SOX5: variants seen among roughly 807,000 people sequenced by gnomAD.
SOX5 encodes the protein SRY-box transcription factor 5.
A neutral mutation model predicts 92.0 loss-of-function variants in SOX5; 9 were observed. The ratio of observed to expected loss-of-function variants is 0.10; its 90% CI spans 0.06 to 0.17. The LOEUF (loss-of-function observed/expected upper bound fraction) is 0.17. SOX5 is among the 10% of genes least tolerant of loss of function. SOX5 has a pLI of 1.00. For synonymous variants in SOX5, 344 were observed against 336.3 expected (o/e 1.02, Z -0.25); for missense variants, 642 against 944.5 (o/e 0.68, Z 4.20).
At chr12:24,391,036 C>G (rs573858628) in intron 1 of SOX5, among the ~76,000 whole-genome samples, 1 of 152,190 alleles carries the variant, frequency 6.6e-6, no homozygotes, top group South Asian at 2.1e-4. Flanking sequence ...TTTACATTCC[C>G]ACCAGCAGCA....
intron 3 of SOX5, among the ~76,000 whole-genome samples, chr12:24,275,247 T>G (rs1330679546): frequency 6.6e-6 from 1 of 152,178 alleles, no homozygotes; most frequent in Non-Finnish European, 1.5e-5. Context: ...AAACTTCTCA[T>G]GAGTCCATTA....
intron 1 of SOX5, among the ~76,000 whole-genome samples, chr12:24,562,142 T>A (rs1235678907): frequency 2.0e-5 from 3 of 151,736 alleles, no homozygotes; most frequent in African/African-American, 7.3e-5. Context: ...CCCAGCCCAG[T>A]CCCCCTCCCT....
chr12:24,437,067 G>C (rs1336545960), intron 1 of SOX5, among the ~76,000 whole-genome samples: 1 of 152,146 alleles, frequency 6.6e-6, no homozygotes, highest in East Asian at 1.9e-4. Flanking sequence ...CAATGCACTT[G>C]GTCACCCAAG....
At chr12:24,437,250 G>C (rs978738290) in intron 1 of SOX5, among the ~76,000 whole-genome samples, 5 of 151,676 alleles carry the variant, frequency 3.3e-5, no homozygotes, top group African/African-American at 9.7e-5. Context: ...AATGGTGTTG[G>C]GAAAACTGGC....
At chr12:23,608,643 C>G (rs971610159) in intron 8 of SOX5, among the ~76,000 whole-genome samples, 1 of 152,088 alleles carries the variant, frequency 6.6e-6, no homozygotes, top group African/African-American at 2.4e-5. Flanking sequence ...AATTGCAACT[C>G]TAAGCCATGT....
intron 9 of SOX5, among the ~76,000 whole-genome samples, chr12:23,584,210 C>A (rs1478419071): frequency 6.6e-6 from 1 of 151,984 alleles, no homozygotes; most frequent in East Asian, 1.9e-4. Flanking sequence ...AGTAAAAATA[C>A]CACATGAAGG....
intron 1 of SOX5, among the ~76,000 whole-genome samples, chr12:24,535,466 C>T (rs555522302): frequency 6.6e-6 from 1 of 152,206 alleles, no homozygotes; most frequent in East Asian, 1.9e-4. Context: ...GGGGTAGTTA[C>T]CAAGCGATCT....
chr12:23,584,726 TG>T, intron 9 of SOX5: 2 of 636,912 alleles, frequency 3.1e-6, no homozygotes, highest in South Asian at 3.6e-5. Context: ...GAAGGACAGG[TG>T]TGAGTGTGTG....
At chr12:24,192,211 C>A (rs1956592574) in intron 4 of SOX5, among the ~76,000 whole-genome samples, 1 of 152,174 alleles carries the variant, frequency 6.6e-6, no homozygotes, top group African/African-American at 2.4e-5. Context: ...CAGAATTGAA[C>A]AACAGTTCTT....
At chr12:23,775,708 T>A (rs2095075526) in intron 3 of SOX5, among the ~76,000 whole-genome samples, 2 of 152,258 alleles carry the variant, frequency 1.3e-5, no homozygotes, top group Admixed American at 1.3e-4. Context: ...TGTGGCCATC[T>A]ACATGCTTTG....
chr12:23,630,580 C>T (rs1310758635), intron 8 of SOX5, among the ~76,000 whole-genome samples: 2 of 151,950 alleles, frequency 1.3e-5, no homozygotes, highest in Non-Finnish European at 2.9e-5. Flanking sequence ...AATTATTAAT[C>T]AGCTAATACT....
intron 4 of SOX5, among the ~76,000 whole-genome samples, chr12:24,188,170 A>C (rs1956196517): frequency 6.6e-6 from 1 of 152,168 alleles, no homozygotes; most frequent in Non-Finnish European, 1.5e-5. Flanking sequence ...TGAATGCTTC[A>C]TTTCTTCCTG....
rs991839776 is a variant in SOX5 at position 24,231,088 on chromosome 12, G to A, written c.-76-17671C>T. ...GAGAAGAAATAAGAGAAGCAACAAG[G>A]TGCACAGAAAGCCAGCTCTGACCTT... On this transcript the variant is annotated intron_variant, in intron 3 of 4. Transcript: ENST00000446891. Among the ~76,000 whole-genome samples, 3 of 152,294 alleles carry A rather than the reference G, an allele frequency of 2.0e-5. No homozygotes were observed. The East Asian group carries it at 5.8e-4, about 29-fold the overall frequency.
intron 8 of SOX5, among the ~76,000 whole-genome samples, chr12:23,631,256 G>A (rs930349661): frequency 1.3e-5 from 2 of 151,920 alleles, no homozygotes; most frequent in African/African-American, 4.8e-5. Context: ...ATTTTACTCC[G>A]AAGATTGAAT....
At chr12:24,132,889 C>T (rs1224099656) in intron 4 of SOX5, among the ~76,000 whole-genome samples, 1 of 152,146 alleles carries the variant, frequency 6.6e-6, no homozygotes, top group South Asian at 2.1e-4. Flanking sequence ...CTAATTACCT[C>T]ATTTCCCTGG....
chr12:24,018,089 T>C (rs1953866179), intron 4 of SOX5, among the ~76,000 whole-genome samples: 1 of 152,302 alleles, frequency 6.6e-6, no homozygotes, highest in East Asian at 1.9e-4. Context: ...TCCTATTAAA[T>C]CCTTCCTTCA....
chr12:23,567,347 CAAT>C (rs1327949455), intron 10 of SOX5, among the ~76,000 whole-genome samples: 3 of 151,342 alleles, frequency 2.0e-5, no homozygotes, highest in Non-Finnish European at 4.4e-5. Flanking sequence ...TGGCAAAGGT[CAAT>C]ATAACTTCCA....
In SOX5 at chr12:24,001,044, T is replaced by A. The variant is rs139841073; in HGVS notation, c.-1-105020A>T. 9.1e-4 allele frequency among the ~76,000 whole-genome samples: 139 copies of A among 152,080 alleles called. 1 individual carries two copies. The highest frequency in any genetic ancestry group is 3.4e-3 in the Middle Eastern group (1 of 292). On this transcript the variant is annotated intron_variant, in intron 4 of 4. Coordinates refer to the SOX5 transcript ENST00000446891. ...ATCATATGGTAAGCCATAAAAAAAG[T>A]TTTCATGATGGCACAAGATTTGAAA...
chr12:24,353,044 G>A (rs1954300944), intron 2 of SOX5, among the ~76,000 whole-genome samples: 1 of 152,176 alleles, frequency 6.6e-6, no homozygotes. Context: ...TGCATGAGGT[G>A]CATGACAGGG....
Sources: allele counts gnomAD v4.1 joint callset (sites outside exome capture counted in the v4.1 genomes callset), GRCh38; gene constraint gnomAD v4.1.1; transcripts MANE v1.5; gene names NCBI Gene and HGNC (gene_info 2026-07-23, HGNC 2026-07-21).